The following PIBF1 variants were observed in gnomAD, a reference collection of about 807,000 sequenced individuals.
The protein encoded by PIBF1 is progesterone immunomodulatory binding factor 1, also known as progesterone-induced-blocking factor 1.
PIBF1 carries 90 observed loss-of-function variants against 112.5 expected under a neutral mutation model. The ratio of observed to expected loss-of-function variants is 0.80; its 90% CI spans 0.67 to 0.95. The LOEUF is 0.95. Ranked by LOEUF, PIBF1 falls within the 40% of genes least tolerant of loss-of-function variation. PIBF1 has a pLI of 0.00. For synonymous variants in PIBF1, 301 were observed against 288.6 expected (o/e 1.04, Z -0.44); for missense variants, 915 against 852.3 (o/e 1.07, Z -0.92).
In PIBF1 at chr13:72,904,433, C is replaced by CTTTTTTTTTTTTTTTTTTTTT. The variant is rs71099767; in HGVS notation, c.1489-4093_1489-4073dup. Among the ~76,000 whole-genome samples, 98 of 36,550 alleles carry CTTTTTTTTTTTTTTTTTTTTT rather than the reference C, an allele frequency of 2.7e-3. 18 individuals carry two copies. The highest frequency in any genetic ancestry group is 4.0e-3 in the African/African-American group (36 of 8,918). The allele number at this position is 36,550 out of a possible 152,430, so 24.0% of individuals were successfully genotyped here. A position where few individuals can be genotyped will look rare whatever the true frequency, so the allele number is the denominator to read the frequency against. On this transcript the variant is annotated intron_variant, in intron 11 of 17. Coordinates refer to ENST00000326291, the MANE Select transcript of PIBF1 (RefSeq NM_006346.4). The stretch of plus-strand genomic sequence containing the variant: ...ATTTATCCAAAATATCAAAATATTT[C>CTTTTTTTTTTTTTTTTTTTTT]TTTTTTTTTTTTTTTTTTTTTTTTT...
At chr13:73,012,592 A>C (rs1334131165) in intron 17 of PIBF1, among the ~76,000 whole-genome samples, 1 of 151,514 alleles carries the variant, frequency 6.6e-6, no homozygotes, top group Non-Finnish European at 1.5e-5. Context: ...AACAAAAAAA[A>C]ACAAAAAAAA....
chr13:72,931,328 T>G (rs1423094071), intron 14 of PIBF1, 61 bp downstream of exon 14: 1 of 1,053,832 alleles, frequency 9.5e-7, no homozygotes, highest in African/African-American at 1.6e-5. Context: ...TGTTTGTAAC[T>G]CTTTTATTTT....
intron 10 of PIBF1, among the ~76,000 whole-genome samples, chr13:72,875,899 C>CT (rs2039375477): frequency 6.6e-6 from 1 of 152,076 alleles, no homozygotes; most frequent in Non-Finnish European, 1.5e-5. Context: ...TATTTTCCTT[C>CT]TCTTGATGGT....
chr13:73,001,582 C>CTGTTTTTTTTTTTTTTTT (rs2043867544), intron 17 of PIBF1, among the ~76,000 whole-genome samples: 2 of 29,160 alleles, frequency 6.9e-5, no homozygotes, highest in Non-Finnish European at 7.5e-5. Context: ...AAGAGCTTGA[C>CTGTTTTTTTTTTTTTTTT]TTTTTTTTTT....
chr13:72,818,822 T>C lies in PIBF1; in HGVS notation c.673-3027T>C, dbSNP rs2036415563. ...AAATCACACAAGCAGTAACAAGCACTGTCAGTTTATTGTTATCAGCCTCAA... is the reference window on the plus strand; with the variant it reads ...AAATCACACAAGCAGTAACAAGCACCGTCAGTTTATTGTTATCAGCCTCAA... On this transcript the variant is annotated intron_variant, in intron 5 of 17. Coordinates refer to ENST00000326291, the MANE Select transcript of PIBF1 (RefSeq NM_006346.4). Among the ~76,000 whole-genome samples, 3 of 151,748 alleles carry C rather than the reference T, an allele frequency of 2.0e-5. No individual in the cohort carries two copies. The South Asian group carries it at 6.3e-4, about 32-fold the overall frequency.
At chr13:72,790,585 C>T (rs1344033547) in intron 2 of PIBF1, among the ~76,000 whole-genome samples, 1 of 151,590 alleles carries the variant, frequency 6.6e-6, no homozygotes, top group Non-Finnish European at 1.5e-5. Context: ...ATAGGTGGCA[C>T]CTAAAGCCAT....
At chr13:72,930,223 C>T (rs1001657008) in intron 13 of PIBF1, among the ~76,000 whole-genome samples, 2 of 152,050 alleles carry the variant, frequency 1.3e-5, no homozygotes. Flanking sequence ...TATTAAAATA[C>T]AATAGAATTT....
chr13:72,794,091 A>G (rs2035071251), intron 3 of PIBF1, among the ~76,000 whole-genome samples: 1 of 152,226 alleles, frequency 6.6e-6, no homozygotes, highest in Non-Finnish European at 1.5e-5. Context: ...AGTAAAATAG[A>G]AGAAAAATGA....
At chr13:72,920,553 G>A (rs938062817) in intron 13 of PIBF1, among the ~76,000 whole-genome samples, 6 of 152,242 alleles carry the variant, frequency 3.9e-5, no homozygotes, top group Admixed American at 2.0e-4. Context: ...GTGGCTTTGC[G>A]CTCTTTTTAT....
intron 11 of PIBF1, among the ~76,000 whole-genome samples, chr13:72,898,482 A>G (rs1330081233): frequency 6.6e-6 from 1 of 152,030 alleles, no homozygotes; most frequent in African/African-American, 2.4e-5. Flanking sequence ...TGAAATTTGA[A>G]CAAAAAGAAA....
chr13:72,856,845 A>G (rs901723013), intron 10 of PIBF1, among the ~76,000 whole-genome samples: 2 of 152,160 alleles, frequency 1.3e-5, no homozygotes, highest in African/African-American at 4.8e-5. Flanking sequence ...AAAATTTTCA[A>G]ATGACTTTGA....
intron 12 of PIBF1, among the ~76,000 whole-genome samples, chr13:72,915,896 T>C (rs1271505252): frequency 2.0e-5 from 3 of 152,206 alleles, no homozygotes; most frequent in Non-Finnish European, 4.4e-5. Context: ...AACATCATGA[T>C]GGTTGTAAAA....
chr13:72,916,032 T>C (rs1845867433), intron 12 of PIBF1, among the ~76,000 whole-genome samples: 1 of 152,184 alleles, frequency 6.6e-6, no homozygotes, highest in Non-Finnish European at 1.5e-5. Context: ...TTACTTGAGC[T>C]ATTAAAACTA....
At chr13:72,873,247 C>A (rs894328661) in intron 10 of PIBF1, among the ~76,000 whole-genome samples, 1 of 152,122 alleles carries the variant, frequency 6.6e-6, no homozygotes, top group Non-Finnish European at 1.5e-5. Context: ...AAGTGCACCT[C>A]CACCCCTACT....
chr13:72,844,775 A>AGT (rs2037782366), intron 9 of PIBF1, among the ~76,000 whole-genome samples: 2 of 116,102 alleles, frequency 1.7e-5, no homozygotes, highest in South Asian at 2.9e-4. Flanking sequence ...ACACACACAC[A>AGT]CACACACACA....
chr13:72,878,863 C>A (rs1312863141), intron 10 of PIBF1, among the ~76,000 whole-genome samples: 1 of 152,038 alleles, frequency 6.6e-6, no homozygotes, highest in Non-Finnish European at 1.5e-5. Flanking sequence ...ATGTAGTGCC[C>A]CTCTTTATCC....
At chr13:73,012,854 C>T (rs1466428036) in intron 17 of PIBF1, among the ~76,000 whole-genome samples, 1 of 151,508 alleles carries the variant, frequency 6.6e-6, no homozygotes, top group Non-Finnish European at 1.5e-5. Flanking sequence ...AAAGCTATAG[C>T]ATATATTTAA....
At chr13:72,856,555 A>G (rs1177405610) in intron 10 of PIBF1, among the ~76,000 whole-genome samples, 1 of 152,196 alleles carries the variant, frequency 6.6e-6, no homozygotes, top group Non-Finnish European at 1.5e-5. Flanking sequence ...AGGACTGTAA[A>G]GGACATTACA....
chr13:72,810,785 A>G (rs1437803300), intron 5 of PIBF1, among the ~76,000 whole-genome samples: 1 of 152,048 alleles, frequency 6.6e-6, no homozygotes, highest in Non-Finnish European at 1.5e-5. Context: ...ATGTATAAGC[A>G]TTGCTTAAAA....
Sources: gnomAD v4.1 joint callset for allele counts (sites outside exome capture counted in the v4.1 genomes callset) on GRCh38, gnomAD v4.1.1 for gene constraint, MANE v1.5 for transcripts, NCBI Gene and HGNC (gene_info 2026-07-23, HGNC 2026-07-21) for gene names.